Variants in MANEA observed in about 807,000 individuals in gnomAD.
MANEA encodes the protein mannosidase endo-alpha.
Under a neutral mutation model 36.8 loss-of-function variants are expected in MANEA, and 25 were observed. The ratio of observed to expected loss-of-function variants is 0.68; its 90% CI spans 0.50 to 0.95. The LOEUF (loss-of-function observed/expected upper bound fraction) is 0.95, where lower values mean the gene tolerates loss of function less well. Ranked by LOEUF, MANEA falls within the 40% of genes least tolerant of loss-of-function variation. The pLI, the probability that MANEA is intolerant of heterozygous loss-of-function variation, is 0.00. For synonymous variants in MANEA, 198 were observed against 188.5 expected (o/e 1.05, Z -0.41); for missense variants, 565 against 558.8 (o/e 1.01, Z -0.11).
At chr6:95,597,458 T>C (rs1025698809) in intron 3 of MANEA, among the ~76,000 whole-genome samples, 2 of 151,860 alleles carry the variant, frequency 1.3e-5, no homozygotes, top group Non-Finnish European at 2.9e-5. Context: ...CAAAAGAAAA[T>C]TTTATACTGA....
At chr6:95,598,199 C>T (rs1769516321) in intron 3 of MANEA, among the ~76,000 whole-genome samples, 1 of 152,160 alleles carries the variant, frequency 6.6e-6, no homozygotes, top group Non-Finnish European at 1.5e-5. Flanking sequence ...AACTGAAATA[C>T]AGTGTCAAGT....
intron 2 of MANEA, 92 bp from the exon 3 acceptor site, chr6:95,596,645 A>G (rs1014233485): frequency 4.5e-6 from 3 of 672,126 alleles, no homozygotes; most frequent in Non-Finnish European, 8.0e-6. Flanking sequence ...ATGTTCTTCT[A>G]TTGTTAACTC....
chr6:95,597,193 A>G (rs74586621), intron 3 of MANEA, among the ~76,000 whole-genome samples: 4 of 152,076 alleles, frequency 2.6e-5, no homozygotes, highest in Non-Finnish European at 4.4e-5. Flanking sequence ...ATATTTATAA[A>G]GTAGTTAAAA....
intron 3 of MANEA, among the ~76,000 whole-genome samples, chr6:95,599,539 G>A (rs1408268616): frequency 2.0e-5 from 3 of 152,108 alleles, no homozygotes; most frequent in Admixed American, 2.0e-4. Context: ...ATATTCTAAT[G>A]GAGGACAATC....
At chr6:95,590,889 C>T (rs1472038327) in intron 2 of MANEA, among the ~76,000 whole-genome samples, 2 of 152,168 alleles carry the variant, frequency 1.3e-5, no homozygotes, top group African/African-American at 4.8e-5. Flanking sequence ...ACTATCATTG[C>T]TGTAGGCCAG....
intron 2 of MANEA, 49 bp from the exon 3 acceptor site, chr6:95,596,688 T>C: frequency 1.0e-6 from 1 of 956,918 alleles, no homozygotes; most frequent in Non-Finnish European, 1.7e-6. Flanking sequence ...TAAGAATATC[T>C]GCATTCATGT....
chr6:95,595,745 C>T (rs755787139), intron 2 of MANEA, among the ~76,000 whole-genome samples: 50 of 152,002 alleles, frequency 3.3e-4, no homozygotes, highest in Middle Eastern at 6.8e-3. Flanking sequence ...TTAAATATTC[C>T]GTCTCCAGTT....
At chr6:95,583,437 A>C (rs557647758) in intron 1 of MANEA, among the ~76,000 whole-genome samples, 4 of 152,238 alleles carry the variant, frequency 2.6e-5, no homozygotes, top group Non-Finnish European at 5.9e-5. Context: ...GTACATATGC[A>C]CATACACACG....
chr6:95,587,756 C>T (rs1769315049), intron 2 of MANEA, among the ~76,000 whole-genome samples: 1 of 151,986 alleles, frequency 6.6e-6, no homozygotes, highest in South Asian at 2.1e-4. Flanking sequence ...GTTATTCTGT[C>T]AGTCTTAATG....
intron 1 of MANEA, among the ~76,000 whole-genome samples, chr6:95,585,064 T>G (rs1434232460): frequency 1.3e-5 from 2 of 152,126 alleles, no homozygotes; most frequent in Admixed American, 6.6e-5. Flanking sequence ...ACCTTTCTAA[T>G]AAGAAATCTG....
At position 95,604,056 on chromosome 6, in the gene MANEA, A is replaced by AGGTGTGTGTGTGTGTG. The variant is rs1318756717; in HGVS notation, c.655-771_655-770insGGTGTGTGTGTGTGTG. 2.4e-3 allele frequency among the ~76,000 whole-genome samples: 138 copies of AGGTGTGTGTGTGTGTG among 58,576 alleles called. 1 individual carries two copies. Among genetic ancestry groups the AGGTGTGTGTGTGTGTG allele is most frequent in the African/African-American group, 7.3e-3 (133 of 18,312 alleles). The allele number at this position is 58,576 out of a possible 152,430, so 38.4% of individuals were successfully genotyped here. ...TGTATGTATGTGTGCGTATATATGTATGTAGGTGTGTGTGTGTGTGTGTGT... is the reference window on the plus strand; with the variant it reads ...TGTATGTATGTGTGCGTATATATGTAGGTGTGTGTGTGTGTGTGTAGGTGTGTGTGTGTGTGTGTGT... On this transcript the variant is annotated intron_variant, in intron 3 of 4. Coordinates refer to ENST00000358812, the MANE Select transcript of MANEA (RefSeq NM_024641.4).
chr6:95,606,029 GGGCTA>G lies in MANEA; in HGVS notation c.1015_1019del (p.Ala339ProfsTer6). On this transcript the variant is annotated frameshift_variant, in exon 5 of 5. Transcript: ENST00000358812. LOFTEE classifies it high-confidence loss of function. ...ACTTATGGCTCATCACATCAGAATT[GGGCTA>G]GCCTAAAATTATTTTGTGATAAATA... 6.2e-7 allele frequency: 1 copy of G among 1,613,802 alleles called. No homozygotes were observed. The highest frequency in any genetic ancestry group is 2.2e-5 in the East Asian group (1 of 44,864).
At chr6:95,592,399 T>C (rs1319169734) in intron 2 of MANEA, among the ~76,000 whole-genome samples, 1 of 152,192 alleles carries the variant, frequency 6.6e-6, no homozygotes, top group Non-Finnish European at 1.5e-5. Flanking sequence ...ACGTATCTCA[T>C]TTGTGAGTCT....
intron 3 of MANEA, among the ~76,000 whole-genome samples, chr6:95,598,191 C>T (rs937469083): frequency 9.9e-5 from 15 of 152,136 alleles, no homozygotes; most frequent in African/African-American, 3.6e-4. Flanking sequence ...TTTATGATAA[C>T]TGAAATACAG....
At chr6:95,595,883 T>C (rs1007710228) in intron 2 of MANEA, among the ~76,000 whole-genome samples, 5 of 152,158 alleles carry the variant, frequency 3.3e-5, no homozygotes, top group Admixed American at 6.5e-5. Flanking sequence ...GGTATTGATC[T>C]ACACAAAAAC....
intron 2 of MANEA, 149 bp downstream of exon 2, chr6:95,587,132 A>C (rs1467920982): frequency 1.7e-6 from 1 of 583,108 alleles, no homozygotes; most frequent in African/African-American, 1.9e-5. Flanking sequence ...GTATGATCTT[A>C]AACATCCAGG....
In MANEA at chr6:95,582,173, C is replaced by CTTTTTTTT. The variant is rs67978183; in HGVS notation, c.-38-4208_-38-4201dup. 8.8e-5 allele frequency among the ~76,000 whole-genome samples: 7 copies of CTTTTTTTT among 79,360 alleles called. 1 individual carries two copies. The highest frequency in any genetic ancestry group is 3.6e-4 in the East Asian group (1 of 2,790). The allele number at this position is 79,360 out of a possible 152,430, so 52.1% of individuals were successfully genotyped here. On this transcript the variant is annotated intron_variant, in intron 1 of 4. Coordinates refer to ENST00000358812, the MANE Select transcript of MANEA (RefSeq NM_024641.4). Reference sequence around the variant, plus strand: ...TGGCATGCCAAAATGGTTGTATCATCTTTTTTTTTTTTTTTTTTTTTTTTT... The same window carrying CTTTTTTTT: ...TGGCATGCCAAAATGGTTGTATCATCTTTTTTTTTTTTTTTTTTTTTTTTTTTTTTTTT...
intron 1 of MANEA, among the ~76,000 whole-genome samples, chr6:95,583,598 T>C (rs1181434610): frequency 6.6e-6 from 1 of 152,122 alleles, no homozygotes; most frequent in African/African-American, 2.4e-5. Flanking sequence ...TAGTTAGATA[T>C]GCTTGTGTGC....
At chr6:95,580,521 C>A (rs944693106) in intron 1 of MANEA, among the ~76,000 whole-genome samples, 1 of 151,794 alleles carries the variant, frequency 6.6e-6, no homozygotes, top group Non-Finnish European at 1.5e-5. Context: ...GTCAGGAGAT[C>A]GAGACCATCC....
Sources: allele counts gnomAD v4.1 joint callset (sites outside exome capture counted in the v4.1 genomes callset), GRCh38; gene constraint gnomAD v4.1.1; transcripts MANE v1.5; gene names NCBI Gene and HGNC (gene_info 2026-07-23, HGNC 2026-07-21).